Variants in ERICH6 observed in about 807,000 individuals in gnomAD.
The protein encoded by ERICH6 is glutamate rich 6, also known as glutamate-rich protein 6.
ERICH6 carries 71 observed loss-of-function variants against 71.0 expected under a neutral mutation model. The ratio of observed to expected loss-of-function variants is 1.00; its 90% CI spans 0.83 to 1.22. The LOEUF (loss-of-function observed/expected upper bound fraction) is 1.22. ERICH6 is among the 50% of genes most tolerant of loss of function. The probability of loss-of-function intolerance (pLI) is 0.00; values close to 1 mark genes in which losing one functional copy is unlikely to be tolerated. For missense variants in ERICH6, 808 were observed against 797.2 expected (o/e 1.01, Z -0.16); for synonymous variants, 262 against 278.4 (o/e 0.94, Z 0.59).
chr3:150,699,667 C>T (rs79758413), intron 2 of ERICH6, among the ~76,000 whole-genome samples: 3,260 of 148,382 alleles, frequency 0.022, 63 homozygotes, highest in Non-Finnish European at 0.037. Flanking sequence ...AAAAATAATA[C>T]GAAGAACAAA....
rs1711900212 is a variant in ERICH6 at position 150,680,915 on chromosome 3, C to A, written c.898G>T (p.Ala300Ser). Residue 300 changes from alanine (A) to serine (S), a missense_variant, in exon 8 of 14, where the codon GCT becomes TCT. Physicochemically the swap from Ala to Ser is moderately conservative, Grantham distance 99 (BLOSUM62 1). Around this residue, in one of 3 missense-constraint regions of ERICH6, gnomAD observed 736 missense variants for 712.2 expected, o/e 1.03. Transcript: ENST00000295910. ...EPKGHASCCI[A>S]FQNLIDYIYE... is the part of the protein sequence containing the mutation. ...ATATAGTCAATCAGATTTTGGAAAG[C>A]AATACAACAGGAGGCCTGGAAAACA... is the stretch of plus-strand genomic sequence containing the variant. 6.2e-7 allele frequency: 1 copy of A among 1,610,788 alleles called. No homozygotes were observed. Among genetic ancestry groups the A allele is most frequent in the Non-Finnish European group, 8.5e-7 (1 of 1,178,808 alleles).
intron 3 of ERICH6, among the ~76,000 whole-genome samples, chr3:150,690,887 T>C (rs1289376784): frequency 6.6e-6 from 1 of 152,230 alleles, no homozygotes; most frequent in Non-Finnish European, 1.5e-5. Context: ...AATAGCTACA[T>C]CTTAAATTTA....
intron 3 of ERICH6, among the ~76,000 whole-genome samples, chr3:150,688,880 G>T (rs956229402): frequency 6.6e-6 from 1 of 152,174 alleles, no homozygotes; most frequent in African/African-American, 2.4e-5. Flanking sequence ...TGACCACCTT[G>T]GGCACATGTC....
At chr3:150,686,099 C>G in intron 4 of ERICH6, 78 bp from the exon 5 acceptor site, 2 of 1,298,002 alleles carry the variant, frequency 1.5e-6, no homozygotes, top group Non-Finnish European at 2.2e-6. Context: ...TTTGGAGATT[C>G]ACACCCACCA....
chr3:150,700,940 T>C (rs956068578), intron 2 of ERICH6, among the ~76,000 whole-genome samples: 1 of 152,242 alleles, frequency 6.6e-6, no homozygotes, highest in African/African-American at 2.4e-5. Flanking sequence ...TTCTTGTCCA[T>C]AGATTCAATC....
Position 150,690,062 on chromosome 3 carries a change from C to T in ERICH6, c.554-3708G>A, listed in dbSNP as rs540612770. On this transcript the variant is annotated intron_variant, in intron 3 of 13. Coordinates refer to ENST00000295910, the MANE Select transcript of ERICH6 (RefSeq NM_152394.5). ...ATGCACTGTAAAAATATGATGTGGTCTAGCCTCATAATAATTCTCCCTCTT... is the reference window on the plus strand; with the variant it reads ...ATGCACTGTAAAAATATGATGTGGTTTAGCCTCATAATAATTCTCCCTCTT... Among the ~76,000 whole-genome samples, 9 of 152,244 alleles carry T rather than the reference C, an allele frequency of 5.9e-5. No individual in the cohort carries two copies. The East Asian group carries it at 1.7e-3, about 29-fold the overall frequency.
intron 11 of ERICH6, 110 bp from the exon 12 acceptor site, chr3:150,669,561 G>A (rs969394571): frequency 6.5e-5 from 77 of 1,189,828 alleles, no homozygotes; most frequent in Admixed American, 9.3e-5. Context: ...CTGAAAATGG[G>A]AGGTACTATA....
chr3:150,680,501 T>A lies in ERICH6; in HGVS notation c.1078A>T (p.Ile360Leu). The change falls in exon 9 of 14, where the codon ATA (isoleucine) becomes TTA (leucine). Residue 360 changes from isoleucine (I) to leucine (L), a missense_variant. Ile to Leu is a conservative substitution (Grantham distance 5). Around this residue, in one of 3 missense-constraint regions of ERICH6, gnomAD observed 736 missense variants for 712.2 expected, o/e 1.03. Transcript: ENST00000295910. ...GAGAAATGAGTCTGTTCCCTTGATA[T>A]TATTGCAAAATGTCTGGCCATTCGT... Reference protein sequence around the residue: ...EQRMARHFAIISREQTHFSED... With the variant: ...EQRMARHFAILSREQTHFSED... 5 of 1,614,214 alleles carry A rather than the reference T, an allele frequency of 3.1e-6. No individual in the cohort carries two copies. Among genetic ancestry groups the A allele is most frequent in the Non-Finnish European group, 4.2e-6 (5 of 1,180,026 alleles).
In ERICH6 at chr3:150,694,242, C is replaced by T. The variant is rs139679356; in HGVS notation, c.553+4549G>A. 8.9e-3 allele frequency among the ~76,000 whole-genome samples: 1,358 copies of T among 152,006 alleles called. 15 individuals are homozygous for T. The highest frequency in any genetic ancestry group is 0.031 in the African/African-American group (1,290 of 41,462). ...AAATGCTTTCTCTGAAAAATTTTATCTTTAAAATTTTATTTATTATTATTA... is the reference window on the plus strand; with the variant it reads ...AAATGCTTTCTCTGAAAAATTTTATTTTTAAAATTTTATTTATTATTATTA... On this transcript the variant is annotated intron_variant, in intron 3 of 13. Coordinates refer to ENST00000295910, the MANE Select transcript of ERICH6 (RefSeq NM_152394.5).
At chr3:150,694,333 T>C (rs1181231589) in intron 3 of ERICH6, among the ~76,000 whole-genome samples, 2 of 151,954 alleles carry the variant, frequency 1.3e-5, no homozygotes, top group Admixed American at 6.6e-5. Flanking sequence ...GAATGAAAAA[T>C]AAAAACTCAG....
rs188606203 is a variant in ERICH6, at chr3:150,688,065, C to T, written c.554-1711G>A. 2.7e-3 allele frequency among the ~76,000 whole-genome samples: 408 copies of T among 152,214 alleles called. 2 individuals carry two copies. Among genetic ancestry groups the T allele is most frequent in the Non-Finnish European group, 4.8e-3 (325 of 68,014 alleles). ...AGCAGGAGGTTGAGGCTGTAGTGAG[C>T]TGAGATCACGCCACTGCACTGAAGC... is the stretch of plus-strand genomic sequence containing the variant. On this transcript the variant is annotated intron_variant, in intron 3 of 13. Transcript: ENST00000295910.
Position 150,702,924 on chromosome 3 carries a change from G to A in ERICH6, c.403+572C>T, listed in dbSNP as rs572843739. 3.6e-5 allele frequency among the ~76,000 whole-genome samples: 5 copies of A among 138,640 alleles called. No individual in the cohort carries two copies. The South Asian group carries it at 1.3e-3, about 36-fold the overall frequency. 91.0% of individuals were successfully genotyped at this position (138,640 alleles called of 152,430 possible). A position where few individuals can be genotyped will look rare whatever the true frequency, so the allele number is the denominator to read the frequency against. ...TGTGTGTGTGTGTGTGTCTGTGAGA[G>A]AGAGAGAGAGGGAGAGAGAAAGAGA... is the stretch of plus-strand genomic sequence containing the variant. On this transcript the variant is annotated intron_variant, in intron 1 of 13. Coordinates refer to ENST00000295910, the MANE Select transcript of ERICH6 (RefSeq NM_152394.5).
chr3:150,692,287 A>T (rs1712474027), intron 3 of ERICH6, among the ~76,000 whole-genome samples: 1 of 152,184 alleles, frequency 6.6e-6, no homozygotes. Flanking sequence ...TTGGGAAATT[A>T]AGTCTCCTCT....
chr3:150,670,481 C>CA (rs542493653), intron 11 of ERICH6, among the ~76,000 whole-genome samples: 1,348 of 43,796 alleles, frequency 0.031, 36 homozygotes, highest in African/African-American at 0.073. Context: ...GACTCCATCT[C>CA]AAAAAAAAAA....
At chr3:150,690,763 T>A (rs1259071546) in intron 3 of ERICH6, among the ~76,000 whole-genome samples, 1 of 152,190 alleles carries the variant, frequency 6.6e-6, no homozygotes, top group Non-Finnish European at 1.5e-5. Flanking sequence ...CCAAATATGA[T>A]AAGATGTCAA....
chr3:150,660,255 CTGA>C, intron 13 of ERICH6, 100 bp from the exon 14 acceptor site: 3 of 1,332,554 alleles, frequency 2.3e-6, no homozygotes, highest in Non-Finnish European at 3.1e-6. Context: ...GTTGGATTCC[CTGA>C]TGAGGGTCCA....
Position 150,682,234 on chromosome 3 carries a change from G to A in ERICH6, c.866C>T (p.Ser289Phe). The A allele has an allele frequency of 6.2e-7, 1 of 1,613,856 alleles. No homozygotes were observed. Among genetic ancestry groups the A allele is most frequent in the Non-Finnish European group, 8.5e-7 (1 of 1,179,942 alleles). Residue 289 changes from serine (S) to phenylalanine (F), a missense_variant, in exon 7 of 14, where the codon TCT (serine) becomes TTT (phenylalanine). Around this residue, in one of 3 missense-constraint regions of ERICH6, gnomAD observed 736 missense variants for 712.2 expected, o/e 1.03. Coordinates refer to ENST00000295910, the MANE Select transcript of ERICH6 (RefSeq NM_152394.5). ...RAFFSNVDVS[S>F]EPKGHASCCI... is the part of the protein sequence containing the mutation. ...AGAACTTACATGCCCTTTTGGTTCA[G>A]AGGAAACATCCACATTAGAAAAAAA...
rs181343653 is a variant in ERICH6 at position 150,685,495 on chromosome 3, G to A, written c.783+247C>T. ...TTGGCCCTGCCAAAACACTGATTTC[G>A]AACTTCTAGTCTCCATAACTACAAG... On this transcript the variant is annotated intron_variant, in intron 6 of 13. Coordinates refer to ENST00000295910, the MANE Select transcript of ERICH6 (RefSeq NM_152394.5). 1.1e-4 allele frequency among the ~76,000 whole-genome samples: 16 copies of A among 152,244 alleles called. No homozygotes were observed. In the East Asian group the frequency reaches 1.7e-3, roughly 17 times the overall value.
intron 9 of ERICH6, among the ~76,000 whole-genome samples, chr3:150,679,950 G>A (rs536116756): frequency 9.9e-5 from 15 of 151,422 alleles, no homozygotes; most frequent in South Asian, 8.4e-4. Context: ...GAGCCACCGC[G>A]CCCAGCCAAG....
Sources: allele counts gnomAD v4.1 joint callset (sites outside exome capture counted in the v4.1 genomes callset), GRCh38; gene constraint gnomAD v4.1.1; regional missense constraint gnomAD v4.1.1; transcripts MANE v1.5; gene names NCBI Gene and HGNC (gene_info 2026-07-23, HGNC 2026-07-21).